The following TEX11 variants were observed in gnomAD, a reference collection of about 807,000 sequenced individuals.
The protein encoded by TEX11 is testis-expressed protein 11.
Under a neutral mutation model 84.4 loss-of-function variants are expected in TEX11, and 7 were observed. That is an observed-to-expected ratio of 0.08 (90% CI 0.05 to 0.16). The LOEUF is 0.16. TEX11 is among the 10% of genes least tolerant of loss of function. The pLI, the probability that TEX11 is intolerant of heterozygous loss-of-function variation, is 1.00. For synonymous variants in TEX11, 264 were observed against 222.8 expected, an observed-to-expected ratio of 1.18 and a Z score of -1.64; for missense variants, 551 against 660.5, an observed-to-expected ratio of 0.83 and a Z score of 1.82.
chrX:70,788,685 AAC>A (rs753573687), intron 9 of TEX11, among the ~76,000 whole-genome samples: 4,639 of 69,340 alleles, frequency 0.067, 144 homozygotes, highest in South Asian at 0.18. Flanking sequence ...TCTCTTGGGA[AAC>A]ACACACACAC....
intron 7 of TEX11, among the ~76,000 whole-genome samples, chrX:70,837,385 G>A (rs183890070): frequency 0.018 from 1,950 of 110,103 alleles, 28 homozygotes; most frequent in Admixed American, 0.069. Context: ...TTGGTGAAAC[G>A]CCATCTATAC....
At chrX:70,524,473 T>C (rs1193215259), downstream of TEX11, among the ~76,000 whole-genome samples, 1 of 112,928 alleles carries the variant, frequency 8.9e-6, no homozygotes, top group African/African-American at 3.2e-5. Flanking sequence ...GAGGGATAAG[T>C]AACATACTTA....
intron 9 of TEX11, among the ~76,000 whole-genome samples, chrX:70,764,646 A>C (rs544293758): frequency 8.9e-6 from 1 of 111,940 alleles, no homozygotes; most frequent in South Asian, 3.7e-4. Flanking sequence ...AAGAGGAGAC[A>C]CAACTGATAC....
At chrX:70,567,499 G>A (rs1412995415) in intron 25 of TEX11, among the ~76,000 whole-genome samples, 1 of 110,251 alleles carries the variant, frequency 9.1e-6, no homozygotes, top group African/African-American at 3.3e-5. Flanking sequence ...GTGATGTTAG[G>A]GTGTCAATTT....
At chrX:70,892,177 A>G (rs888063003) in intron 2 of TEX11, among the ~76,000 whole-genome samples, 7 of 111,617 alleles carry the variant, frequency 6.3e-5, no homozygotes. Flanking sequence ...AATAAATAAA[A>G]TCCTTTCCAG....
chrX:70,530,938 G>T (rs1295859544), intron 28 of TEX11, among the ~76,000 whole-genome samples: 2 of 111,092 alleles, frequency 1.8e-5, no homozygotes, highest in Non-Finnish European at 3.8e-5. Context: ...TTCAGTTAAA[G>T]AAATGAGCAC....
chrX:70,845,853 C>T (rs979406796), intron 7 of TEX11, among the ~76,000 whole-genome samples: 1 of 110,768 alleles, frequency 9.0e-6, no homozygotes, highest in African/African-American at 3.3e-5. Context: ...ATAGTTAATT[C>T]GGCTCACAAA....
chrX:70,860,415 T>A (rs2091562445), intron 5 of TEX11, among the ~76,000 whole-genome samples: 1 of 111,910 alleles, frequency 8.9e-6, no homozygotes, highest in Admixed American at 9.5e-5. Context: ...GAAAACTAAG[T>A]AATCTTCCAA....
chrX:70,653,879 A>G (rs2147611640), intron 16 of TEX11, among the ~76,000 whole-genome samples: 1 of 112,227 alleles, frequency 8.9e-6, no homozygotes, highest in East Asian at 2.8e-4. Flanking sequence ...ACCAACCCAT[A>G]AAAGGACATG....
chrX:70,827,481 C>T (rs922255536), intron 8 of TEX11, among the ~76,000 whole-genome samples: 5 of 111,638 alleles, frequency 4.5e-5, no homozygotes, highest in Admixed American at 9.5e-5. Flanking sequence ...CAGTATTTCT[C>T]GTCCTGGGCC....
rs764710569 is a variant in TEX11, at chrX:70,800,838, G to A, written c.692+5867C>T. On this transcript the variant is annotated intron_variant, in intron 9 of 29. Coordinates refer to ENST00000374333, the MANE Select transcript of TEX11 (RefSeq NM_031276.3). ...CTTTCAAGTAGCTGGGACTACAGGCGCATGCCACCATGCCCAGCTTAGATA... is the reference window on the plus strand; with the variant it reads ...CTTTCAAGTAGCTGGGACTACAGGCACATGCCACCATGCCCAGCTTAGATA... Among the ~76,000 whole-genome samples, 17 of 109,777 alleles carry A rather than the reference G, an allele frequency of 1.5e-4. No individual in the cohort carries two copies. In the East Asian group the frequency reaches 4.3e-3, roughly 28 times the overall value.
At chrX:70,546,235 T>C (rs972717693) in intron 28 of TEX11, among the ~76,000 whole-genome samples, 2 of 111,649 alleles carry the variant, frequency 1.8e-5, no homozygotes, top group Non-Finnish European at 3.8e-5. Context: ...TACCTCACAC[T>C]ATAACAAAAT....
intron 11 of TEX11, among the ~76,000 whole-genome samples, chrX:70,734,442 T>A (rs2090680388): frequency 8.9e-6 from 1 of 111,851 alleles, no homozygotes; most frequent in Admixed American, 9.5e-5. Context: ...ATTTGCATTA[T>A]GGAAAGTTTC....
rs760404246 is a variant in TEX11, at chrX:70,553,387, T to C, written c.2318A>G (p.Tyr773Cys). The C allele has an allele frequency of 8.3e-7, 1 of 1,207,214 alleles. No homozygotes were observed. Among genetic ancestry groups the C allele is most frequent in the Non-Finnish European group, 1.1e-6 (1 of 892,769 alleles). Reference protein sequence around the residue: ...AIIAMEKPAHYPLIALKALKK... With the variant: ...AIIAMEKPAHCPLIALKALKK... Reference sequence around the variant, plus strand: ...CAAGGCCTTGAGAGCAATCAAAGGATAGTGTGCAGGCTTTTCCATTGCTAT... The same window carrying C: ...CAAGGCCTTGAGAGCAATCAAAGGACAGTGTGCAGGCTTTTCCATTGCTAT... The change falls in exon 27 of 30, where the codon TAT (tyrosine) becomes TGT (cysteine). Residue 773 changes from tyrosine (Y) to cysteine (C), a missense_variant. Tyr to Cys is a radical substitution (Grantham distance 194). Coordinates refer to ENST00000374333, the MANE Select transcript of TEX11 (RefSeq NM_031276.3).
chrX:70,694,500 A>C (rs1416211331), intron 13 of TEX11, among the ~76,000 whole-genome samples: 1 of 112,163 alleles, frequency 8.9e-6, no homozygotes, highest in Non-Finnish European at 1.9e-5. Context: ...TAAAAGTGCA[A>C]ATTAAAGCCA....
intron 25 of TEX11, among the ~76,000 whole-genome samples, chrX:70,560,254 G>A (rs1404132551): frequency 5.5e-5 from 6 of 109,428 alleles, no homozygotes; most frequent in Admixed American, 9.9e-5. Context: ...GGGTTCAAGC[G>A]ATTCTCCTGC....
intron 8 of TEX11, among the ~76,000 whole-genome samples, chrX:70,817,252 TATACACACACAC>T (rs1316596776): frequency 9.5e-5 from 9 of 95,172 alleles, no homozygotes; most frequent in Admixed American, 3.5e-4. Context: ...CACATATATA[TATACACACACAC>T]ACACACACAC....
At chrX:70,604,160 C>T (rs1485791607) in intron 24 of TEX11, among the ~76,000 whole-genome samples, 3 of 111,547 alleles carry the variant, frequency 2.7e-5, no homozygotes, top group Admixed American at 9.5e-5. Flanking sequence ...ATTTCCCCCA[C>T]ATCAATTTGA....
chrX:70,746,425 C>T (rs1463948284), intron 9 of TEX11, among the ~76,000 whole-genome samples: 1 of 111,386 alleles, frequency 9.0e-6, no homozygotes, highest in Non-Finnish European at 1.9e-5. Flanking sequence ...CTCCAGCTGG[C>T]TCATCAGGCA....
Sources: allele counts gnomAD v4.1 joint callset (sites outside exome capture counted in the v4.1 genomes callset), GRCh38; gene constraint gnomAD v4.1.1; transcripts MANE v1.5; gene names NCBI Gene and HGNC (gene_info 2026-07-23, HGNC 2026-07-21).